The following GTF3C1 variants were observed in gnomAD, a reference collection of about 807,000 sequenced individuals.
GTF3C1 encodes general transcription factor IIIC subunit 1.
In GTF3C1, 57 loss-of-function variants were observed where a neutral mutation model predicts 226.7. That is an observed-to-expected ratio of 0.25 (90% confidence interval 0.20 to 0.31). The LOEUF (loss-of-function observed/expected upper bound fraction) is 0.31. Ranked by LOEUF, GTF3C1 falls within the 10% of genes least tolerant of loss-of-function variation. The probability of loss-of-function intolerance (pLI) is 1.00; values close to 1 mark genes in which losing one functional copy is unlikely to be tolerated. For synonymous variants in GTF3C1, 1,090 were observed against 1,084.8 expected, an observed-to-expected ratio of 1.00 and a Z score of -0.09; for missense variants, 2,217 against 2,776.1, an observed-to-expected ratio of 0.80 and a Z score of 4.53.
At chr16:27,524,154 C>T (rs574797977) in intron 6 of GTF3C1, among the ~76,000 whole-genome samples, 17 of 152,276 alleles carry the variant, frequency 1.1e-4, no homozygotes, top group African/African-American at 3.6e-4. Context: ...CAGTGGGAAG[C>T]GGGTGTCTGT....
rs1371664954 is a variant in GTF3C1 at position 27,471,196 on chromosome 16, G to A, written c.4526+552C>T. Among the ~76,000 whole-genome samples the A allele has an allele frequency of 2.6e-5, 4 of 152,242 alleles. No homozygotes were observed. The highest frequency in any genetic ancestry group is 6.5e-5 in the Admixed American group (1 of 15,288). On this transcript the variant is annotated intron_variant, in intron 30 of 36. Coordinates refer to ENST00000356183, the MANE Select transcript of GTF3C1 (RefSeq NM_001520.4). This position sits in a 1 kb window ranked among gnomAD's most constrained non-coding sequence, Gnocchi z 5.0. The stretch of plus-strand genomic sequence containing the variant: ...GGTGTGAAGGGGAAGCCGTCAAGAC[G>A]GCAGCTTAGGAATGTTCTCAGGGAC...
At position 27,464,677 on chromosome 16, in the gene GTF3C1, C is replaced by G. The variant is rs1181051967; in HGVS notation, c.5515G>C (p.Gly1839Arg). The change falls in exon 34 of 37, where the codon GGG becomes CGG. Residue 1839 changes from glycine to arginine, a missense_variant. Around this residue, in one of 12 missense-constraint regions of GTF3C1, gnomAD observed 455 missense variants for 441.9 expected, o/e 1.03. Transcript: ENST00000356183. ...GGGGGGCTGTCCTCACTGGAAGACCCCTCCAGGGGTCTGGCCTGGGGGTCT... is the reference window on the plus strand; with the variant it reads ...GGGGGGCTGTCCTCACTGGAAGACCGCTCCAGGGGTCTGGCCTGGGGGTCT... Reference protein sequence around the residue: ...REDPQARPLEGSSSEDSPPEG... With the variant: ...REDPQARPLERSSSEDSPPEG... 1.3e-6 allele frequency: 2 copies of G among 1,561,698 alleles called. No homozygotes were observed. Among genetic ancestry groups the G allele is most frequent in the Non-Finnish European group, 1.7e-6 (2 of 1,161,658 alleles).
intron 1 of GTF3C1, among the ~76,000 whole-genome samples, chr16:27,548,968 A>G (rs2089218196): frequency 6.6e-6 from 1 of 152,178 alleles, no homozygotes; most frequent in African/African-American, 2.4e-5. Flanking sequence ...AGCCTGGCCA[A>G]CATGATGACA....
intron 29 of GTF3C1, among the ~76,000 whole-genome samples, chr16:27,473,950 T>C (rs1447060725): frequency 6.6e-6 from 1 of 152,228 alleles, no homozygotes; most frequent in East Asian, 1.9e-4. Context: ...CATTTGAATA[T>C]AACTAGCGAA....
intron 32 of GTF3C1, chr16:27,466,187 G>GT (rs1185665712): frequency 1.3e-5 from 2 of 152,430 alleles, no homozygotes; most frequent in East Asian, 3.8e-4. Flanking sequence ...GTGTTCTTGG[G>GT]TTTTTTACAT....
chr16:27,487,917 T>G (rs957887847), intron 23 of GTF3C1, among the ~76,000 whole-genome samples: 1 of 152,166 alleles, frequency 6.6e-6, no homozygotes, highest in African/African-American at 2.4e-5. Context: ...GTGATGAGGC[T>G]GTTGCTGACA....
Position 27,488,615 on chromosome 16 carries a change from A to T in GTF3C1, c.3450T>A (p.Asn1150Lys). The change falls in exon 22 of 37, where the codon AAT becomes AAA. Residue 1150 changes from asparagine to lysine, a missense_variant. Asn to Lys is a moderately conservative substitution (Grantham distance 94). Coordinates refer to ENST00000356183, the MANE Select transcript of GTF3C1 (RefSeq NM_001520.4). ...QAKKENTAAE[N>K]GLTVRLQTFL... ...ATGTCTGGAGCCTCACTGTGAGTCC[A>T]TTCTCTGCGGCAGTGTTCTCCTGTG... The T allele has an allele frequency of 6.2e-7, 1 of 1,613,378 alleles. No individual in the cohort carries two copies. Among genetic ancestry groups the T allele is most frequent in the Non-Finnish European group, 8.5e-7 (1 of 1,179,844 alleles).
At position 27,492,699 on chromosome 16, in the gene GTF3C1, G is replaced by GA; in HGVS notation, c.2890dup (p.Ser964PhefsTer26). ...CAGCCTCTGAAGGTTCTCCACCACC[G>GA]AAAAAATGTAACGCCTAGAAAACAG... On this transcript the variant is annotated frameshift_variant, in exon 18 of 37. Coordinates refer to ENST00000356183, the MANE Select transcript of GTF3C1 (RefSeq NM_001520.4). LOFTEE classifies it high-confidence loss of function. The surrounding 1 kb of genome is among the most constrained non-coding windows in gnomAD (Gnocchi z 5.0). 1 of 1,589,268 alleles carries GA rather than the reference G, an allele frequency of 6.3e-7. No individual in the cohort carries two copies. The highest frequency in any genetic ancestry group is 8.6e-7 in the Non-Finnish European group (1 of 1,157,312).
Position 27,481,072 on chromosome 16 carries a change from G to A in GTF3C1, c.4196+7C>T, listed in dbSNP as rs370799449. The A allele has an allele frequency of 2.2e-5, 35 of 1,610,542 alleles. No homozygotes were observed. Among genetic ancestry groups the A allele is most frequent in the African/African-American group, 1.6e-4 (12 of 74,838 alleles). ...GGCCACATGGAACCATCCCAGAAAC[G>A]GCTTACCTGGCGAACAGCTCCTGGA... On this transcript the variant is annotated splice_region_variant and intron_variant, in intron 27 of 36. Transcript: ENST00000356183.
Position 27,492,167 on chromosome 16 carries a change from G to T in GTF3C1, c.3151+171C>A, listed in dbSNP as rs1226575825. 6.6e-6 allele frequency among the ~76,000 whole-genome samples: 1 copy of T among 152,190 alleles called. No homozygotes were observed. Among genetic ancestry groups the T allele is most frequent in the African/African-American group, 2.4e-5 (1 of 41,450 alleles). On this transcript the variant is annotated intron_variant, in intron 19 of 36. Coordinates refer to ENST00000356183, the MANE Select transcript of GTF3C1 (RefSeq NM_001520.4). This position sits in a 1 kb window ranked among gnomAD's most constrained non-coding sequence, Gnocchi z 5.0. ...ACCGGAAGCACCCCACCCATTCAAG[G>T]CCCGCCACTTTCCTTTCCAAGGGAG...
At chr16:27,480,944 A>T in intron 27 of GTF3C1, 135 bp downstream of exon 27, 1 of 674,392 alleles carries the variant, frequency 1.5e-6, no homozygotes, top group Non-Finnish European at 2.7e-6. Context: ...GAGGAGAGAC[A>T]GGAGGGCCAC....
In GTF3C1 at chr16:27,461,503, C is replaced by T. The variant is rs201287666; in HGVS notation, c.6177G>A (p.Ser2059=). 1.2e-5 allele frequency: 19 copies of T among 1,613,984 alleles called. No individual in the cohort carries two copies. In the African/African-American group the frequency reaches 2.1e-4, roughly 18 times the overall value. The change falls in exon 37 of 37, where the codon TCG becomes TCA. Residue 2059 remains serine (S), a synonymous_variant. Transcript: ENST00000356183. The surrounding 1 kb of genome is among the most constrained non-coding windows in gnomAD (Gnocchi z 5.3). The part of the protein sequence containing the change: ...KRWLRKPRPV[S]LFSTPVVEEV... ...CTTCCACCACGGGTGTAGAGAAGAGCGAGACAGGCCTTGGCTTTCTCAGCC... is the reference window on the plus strand; with the variant it reads ...CTTCCACCACGGGTGTAGAGAAGAGTGAGACAGGCCTTGGCTTTCTCAGCC...
In GTF3C1 at chr16:27,548,456, A is replaced by G. The variant is rs564849492; in HGVS notation, c.221+1214T>C. 4.6e-4 allele frequency among the ~76,000 whole-genome samples: 70 copies of G among 152,196 alleles called. 1 individual carries two copies. The highest frequency in any genetic ancestry group is 1.7e-3 in the African/African-American group (69 of 41,530). ...TAATTTTTGTATTTTTAGTAGAGATAGGGTTTCACCACGTTGGTCAGGCGG... is the reference window on the plus strand; with the variant it reads ...TAATTTTTGTATTTTTAGTAGAGATGGGGTTTCACCACGTTGGTCAGGCGG... On this transcript the variant is annotated intron_variant, in intron 1 of 36. Coordinates refer to ENST00000356183, the MANE Select transcript of GTF3C1 (RefSeq NM_001520.4).
Position 27,478,545 on chromosome 16 carries a change from A to T in GTF3C1, c.4197-14T>A. 1.9e-6 allele frequency: 3 copies of T among 1,596,700 alleles called. No homozygotes were observed. Among genetic ancestry groups the T allele is most frequent in the Non-Finnish European group, 2.6e-6 (3 of 1,163,940 alleles). ...AAAACTCGGTACCTGCAAAAGAAAC[A>T]TAACAGCATGTCAGTGAAACAAAAC... is the stretch of plus-strand genomic sequence containing the variant. On this transcript the variant is annotated splice_polypyrimidine_tract_variant and intron_variant, in intron 27 of 36. Transcript: ENST00000356183.
rs762698678 is a variant in GTF3C1, at chr16:27,464,699, G to T, written c.5493C>A (p.Asp1831Glu). 42 of 1,598,236 alleles carry T rather than the reference G, an allele frequency of 2.6e-5. No individual in the cohort carries two copies. The highest frequency in any genetic ancestry group is 3.1e-5 in the Non-Finnish European group (37 of 1,177,228). Residue 1831 changes from aspartate (D) to glutamate (E), a missense_variant, in exon 34 of 37, where the codon GAC becomes GAA. By Grantham distance (45) the Asp-to-Glu change is conservative (BLOSUM62 2). Transcript: ENST00000356183. ...DREDADIQRE[D>E]PQARPLEGSS... ...ACCCCTCCAGGGGTCTGGCCTGGGG[G>T]TCTTCTCTCTGGATGTCGGCGTCTT... is the stretch of plus-strand genomic sequence containing the variant.
Position 27,505,900 on chromosome 16 carries a change from T to A in GTF3C1, c.1769A>T (p.Lys590Met). 1 of 1,576,360 alleles carries A rather than the reference T, an allele frequency of 6.3e-7. No individual in the cohort carries two copies. Among genetic ancestry groups the A allele is most frequent in the Non-Finnish European group, 8.7e-7 (1 of 1,145,572 alleles). Residue 590 changes from lysine to methionine, a missense_variant and splice_region_variant, in exon 10 of 37, where the codon AAG becomes ATG. By Grantham distance (95) the Lys-to-Met change is moderately conservative. Transcript: ENST00000356183. Reference sequence around the variant, plus strand: ...CTCCCTCCCTCTGCATGCACTGACCTTTGGGTTTTCCATCCGGACCTCCTC... The same window carrying A: ...CTCCCTCCCTCTGCATGCACTGACCATTGGGTTTTCCATCCGGACCTCCTC... ...VIEEVRMENP[K>M]ESSSSLKTGR...
intron 1 of GTF3C1, among the ~76,000 whole-genome samples, chr16:27,546,349 C>T (rs1393012399): frequency 6.6e-6 from 1 of 152,048 alleles, no homozygotes; most frequent in Non-Finnish European, 1.5e-5. Flanking sequence ...GATTACCTCT[C>T]CCCAGCTCCA....
intron 27 of GTF3C1, among the ~76,000 whole-genome samples, chr16:27,479,865 G>T (rs185744419): frequency 3.4e-4 from 51 of 152,214 alleles, no homozygotes; most frequent in Admixed American, 2.7e-3. Context: ...CTCTCTAAAT[G>T]GTTCATGGGC....
intron 27 of GTF3C1, among the ~76,000 whole-genome samples, chr16:27,480,102 G>A (rs2088016571): frequency 6.6e-6 from 1 of 151,508 alleles, no homozygotes; most frequent in African/African-American, 2.4e-5. Flanking sequence ...TGGGCAGGCT[G>A]AGGCAGGAGA....
Sources: allele counts gnomAD v4.1 joint callset (sites outside exome capture counted in the v4.1 genomes callset), GRCh38; gene constraint gnomAD v4.1.1; regional missense constraint gnomAD v4.1.1; non-coding constraint Gnocchi (gnomAD v3.1); transcripts MANE v1.5; gene names NCBI Gene and HGNC (gene_info 2026-07-23, HGNC 2026-07-21).